PKIB: variants seen among roughly 807,000 people sequenced by gnomAD.
PKIB encodes PKI-beta.
In PKIB, 2 loss-of-function variants were observed where a neutral mutation model predicts 4.5. That is an observed-to-expected ratio of 0.44 (90% CI 0.18 to 1.39). The LOEUF (loss-of-function observed/expected upper bound fraction) is 1.39, where lower values mean the gene tolerates loss of function less well. Ranked by LOEUF, PKIB falls within the 40% of genes most tolerant of loss-of-function variation. PKIB has a pLI of 0.27. For missense variants in PKIB, 94 were observed against 92.6 expected (o/e 1.02, Z -0.06); for synonymous variants, 38 against 36.0 (o/e 1.06, Z -0.20).
intron 2 of PKIB, among the ~76,000 whole-genome samples, chr6:122,545,603 C>G (rs1772469713): frequency 6.6e-6 from 1 of 151,082 alleles, no homozygotes; most frequent in Non-Finnish European, 1.5e-5. Flanking sequence ...CACCCTTCAC[C>G]CACAAATAGG....
intron 2 of PKIB, among the ~76,000 whole-genome samples, chr6:122,569,776 G>T (rs1256098208): frequency 6.6e-6 from 1 of 152,210 alleles, no homozygotes; most frequent in South Asian, 2.1e-4. Context: ...CTTAGGGGAA[G>T]GGAGAGAGAA....
At chr6:122,516,976 G>A (rs1049097268) in intron 2 of PKIB, among the ~76,000 whole-genome samples, 2 of 152,132 alleles carry the variant, frequency 1.3e-5, no homozygotes, top group African/African-American at 2.4e-5. Context: ...CATAGTGTGG[G>A]AATGGTGCAT....
intron 1 of PKIB, among the ~76,000 whole-genome samples, chr6:122,630,313 A>G (rs372411040): frequency 1.6e-4 from 24 of 152,302 alleles, no homozygotes; most frequent in Middle Eastern, 3.4e-3. Context: ...TAAACAAAAT[A>G]CAATATATAC....
At chr6:122,621,332 T>C (rs1038740703) in intron 1 of PKIB, among the ~76,000 whole-genome samples, 1 of 152,174 alleles carries the variant, frequency 6.6e-6, no homozygotes, top group Non-Finnish European at 1.5e-5. Flanking sequence ...AAATACCTCC[T>C]TGATGCTAAG....
chr6:122,578,788 G>A (rs796731934), intron 2 of PKIB, among the ~76,000 whole-genome samples: 4 of 152,296 alleles, frequency 2.6e-5, no homozygotes, highest in East Asian at 1.9e-4. Flanking sequence ...ATCTCCATGT[G>A]TCGTGGGAGG....
intron 2 of PKIB, among the ~76,000 whole-genome samples, chr6:122,487,337 G>A (rs1276417473): frequency 6.6e-6 from 1 of 151,986 alleles, no homozygotes; most frequent in Non-Finnish European, 1.5e-5. Context: ...TACCTCTTAT[G>A]TTTAGATTCA....
intron 2 of PKIB, among the ~76,000 whole-genome samples, chr6:122,540,259 T>G (rs1777551358): frequency 6.6e-6 from 1 of 152,054 alleles, no homozygotes; most frequent in African/African-American, 2.4e-5. Context: ...TCTAGTTCTT[T>G]TAATTGTGAT....
intron 3 of PKIB, among the ~76,000 whole-genome samples, chr6:122,684,189 C>T (rs1273514012): frequency 6.6e-6 from 1 of 152,018 alleles, no homozygotes; most frequent in Non-Finnish European, 1.5e-5. Flanking sequence ...GATTGCAGAA[C>T]AAGGAAATGG....
chr6:122,485,556 C>T (rs12199766), intron 2 of PKIB, among the ~76,000 whole-genome samples: 18,647 of 152,134 alleles, frequency 0.12, 1,299 homozygotes, highest in East Asian at 0.21. Context: ...TCGTGTGTTA[C>T]TGGAATACAG....
chr6:122,594,475 G>A (rs574468142), intron 3 of PKIB, among the ~76,000 whole-genome samples: 1 of 152,162 alleles, frequency 6.6e-6, no homozygotes, highest in Non-Finnish European at 1.5e-5. Flanking sequence ...AAAGTGCTGG[G>A]ATTAGAGGCA....
At chr6:122,722,388 C>A (rs1344658377) in intron 4 of PKIB, among the ~76,000 whole-genome samples, 3 of 151,984 alleles carry the variant, frequency 2.0e-5, no homozygotes, top group Non-Finnish European at 4.4e-5. Flanking sequence ...TAAATGATAT[C>A]CTGTTAGTTT....
intron 3 of PKIB, among the ~76,000 whole-genome samples, chr6:122,592,196 A>C (rs1010464534): frequency 2.6e-5 from 4 of 152,032 alleles, no homozygotes; most frequent in Non-Finnish European, 5.9e-5. Context: ...TAGAATAATA[A>C]ATTTATTTTG....
At chr6:122,543,199 A>G (rs1329678750) in intron 2 of PKIB, among the ~76,000 whole-genome samples, 1 of 151,908 alleles carries the variant, frequency 6.6e-6, no homozygotes, top group Non-Finnish European at 1.5e-5. Context: ...GCTTTGGCTC[A>G]TGCATGGTGT....
chr6:122,658,153 T>G (rs1776847197), intron 2 of PKIB, among the ~76,000 whole-genome samples: 1 of 152,214 alleles, frequency 6.6e-6, no homozygotes, highest in Non-Finnish European at 1.5e-5. Flanking sequence ...ATTTTTGTAA[T>G]AGATTGGTTT....
chr6:122,635,093 C>T lies in PKIB; in HGVS notation c.-76+1726C>T, dbSNP rs145047081. On this transcript the variant is annotated intron_variant, in intron 2 of 4. Coordinates refer to ENST00000368452, the MANE Select transcript of PKIB (RefSeq NM_181795.3). ...GAACAAAATAAGTAGAATTATAATA[C>T]GAATTAATTTTGTACTTAAGGAAAA... 6.6e-5 allele frequency among the ~76,000 whole-genome samples: 10 copies of T among 151,422 alleles called. No homozygotes were observed. In the East Asian group the frequency reaches 1.2e-3, roughly 18 times the overall value.
At chr6:122,713,628 G>A (rs1007864444) in intron 3 of PKIB, among the ~76,000 whole-genome samples, 1 of 152,094 alleles carries the variant, frequency 6.6e-6, no homozygotes, top group African/African-American at 2.4e-5. Context: ...TTCACTTAAC[G>A]ATATGCTATC....
intron 2 of PKIB, chr6:122,644,790 G>A (rs1776246934): frequency 6.6e-6 from 1 of 152,048 alleles, no homozygotes; most frequent in Non-Finnish European, 1.5e-5. Context: ...GTTTCTATGT[G>A]GAGTATTAAT....
At chr6:122,549,857 T>G (rs1460038458) in intron 2 of PKIB, among the ~76,000 whole-genome samples, 2 of 147,674 alleles carry the variant, frequency 1.4e-5, no homozygotes, top group African/African-American at 5.0e-5. Flanking sequence ...TACACATATA[T>G]GTATATGTAT....
intron 2 of PKIB, chr6:122,493,281 C>T (rs1482532977): frequency 2.6e-5 from 4 of 152,184 alleles, no homozygotes; most frequent in Admixed American, 2.6e-4. Flanking sequence ...CTCCAGAGAG[C>T]TCCTTCGTCC....
Sources: allele counts gnomAD v4.1 joint callset (sites outside exome capture counted in the v4.1 genomes callset), GRCh38; gene constraint gnomAD v4.1.1; transcripts MANE v1.5; gene names NCBI Gene and HGNC (gene_info 2026-07-23, HGNC 2026-07-21).